KANTR: variants seen among roughly 807,000 people sequenced by gnomAD.
KANTR encodes the protein KANTR integral membrane protein, also known as KDM5C adjacent transcript.
chrX:53,140,774 A>C (rs1276086144), intron 2 of KANTR, among the ~76,000 whole-genome samples: 1 of 111,959 alleles, frequency 8.9e-6, no homozygotes, highest in Admixed American at 9.5e-5. Context: ...TTTCAGTTCC[A>C]GGGGTGAGAG....
chrX:53,098,104 A>G (rs1460740536), intron 1 of KANTR, among the ~76,000 whole-genome samples: 1 of 109,065 alleles, frequency 9.2e-6, no homozygotes, highest in Non-Finnish European at 1.9e-5. Context: ...CAGTGTAACT[A>G]TCAAAACTAG....
chrX:53,128,332 G>A (rs1933316090), downstream of KANTR, among the ~76,000 whole-genome samples: 1 of 111,809 alleles, frequency 8.9e-6, no homozygotes, highest in Non-Finnish European at 1.9e-5. Context: ...TCAGGGCAGT[G>A]TGGTCAGTGC....
intron 2 of KANTR, among the ~76,000 whole-genome samples, chrX:53,119,823 G>A (rs782358634): frequency 5.5e-5 from 6 of 108,366 alleles, no homozygotes; most frequent in African/African-American, 1.3e-4. Context: ...GGGCTCAAGC[G>A]GTCCTCCCAC....
At chrX:53,118,618 G>A (rs1431254844) in intron 2 of KANTR, among the ~76,000 whole-genome samples, 1 of 110,295 alleles carries the variant, frequency 9.1e-6, no homozygotes, top group Non-Finnish European at 1.9e-5. Context: ...AAAATTACCC[G>A]GGTGTGGTGG....
chrX:53,137,976 C>T (rs1933449482), intron 2 of KANTR, among the ~76,000 whole-genome samples: 1 of 110,978 alleles, frequency 9.0e-6, no homozygotes, highest in South Asian at 3.8e-4. Context: ...TTCAAAGAAT[C>T]TGCTTTGGTT....
In KANTR at chrX:53,125,717, AGTTT is replaced by A. The variant is rs1221770909; in HGVS notation, c.*1218_*1221del. The A allele has an allele frequency of 7.2e-5, 8 of 111,333 alleles. No homozygotes were observed. The East Asian group carries it at 2.0e-3, about 27-fold the overall frequency. 9.2% of individuals were successfully genotyped at this position (111,333 alleles called of 1,213,427 possible). ...ACATACTGTTGTTTTCAAATATGTT[AGTTT>A]GTTCCTTTTTATAAACCTCACAATT... is the stretch of plus-strand genomic sequence containing the variant. On this transcript the variant is annotated 3_prime_UTR_variant, in exon 3 of 3. Coordinates refer to ENST00000604062, the Ensembl canonical transcript of KANTR.
At chrX:53,099,975 A>G (rs1556811531) in intron 2 of KANTR, among the ~76,000 whole-genome samples, 2 of 112,303 alleles carry the variant, frequency 1.8e-5, no homozygotes, top group African/African-American at 6.5e-5. Context: ...TTTATAGAGC[A>G]CAGAGTATAT....
exon 3 of KANTR, chrX:53,125,211 A>G (rs1556816102): frequency 8.9e-6 from 1 of 111,891 alleles, no homozygotes; most frequent in Non-Finnish European, 1.9e-5. Flanking sequence ...ATATTAATGT[A>G]GTAACACAAA....
At chrX:53,146,090 G>A (rs1556819302), downstream of KANTR, among the ~76,000 whole-genome samples, 1 of 112,133 alleles carries the variant, frequency 8.9e-6, no homozygotes, top group East Asian at 2.8e-4. Flanking sequence ...AAATCAGAGT[G>A]CCTATCCTCC....
At chrX:53,098,915 G>C (rs1254656598) in intron 1 of KANTR, among the ~76,000 whole-genome samples, 1 of 110,840 alleles carries the variant, frequency 9.0e-6, no homozygotes, top group African/African-American at 3.3e-5. Flanking sequence ...TGCAAAGGTG[G>C]GGTCTTGTTG....
At chrX:53,119,774 C>T (rs897469546) in intron 2 of KANTR, among the ~76,000 whole-genome samples, 9 of 111,273 alleles carry the variant, frequency 8.1e-5, no homozygotes, top group Non-Finnish European at 1.5e-4. Context: ...GGCTGGAGTG[C>T]AGTGGTGTGA....
At chrX:53,104,110 G>A (rs928401460) in intron 2 of KANTR, among the ~76,000 whole-genome samples, 5 of 111,011 alleles carry the variant, frequency 4.5e-5, no homozygotes, top group African/African-American at 1.6e-4. Context: ...CTGGGCTCAA[G>A]TGATCCTCTG....
downstream of KANTR, among the ~76,000 whole-genome samples, chrX:53,131,279 A>T (rs1156872440): frequency 8.9e-6 from 1 of 111,749 alleles, no homozygotes; most frequent in Non-Finnish European, 1.9e-5. Flanking sequence ...AGAGTGGGTC[A>T]TGTGGAAAAC....
chrX:53,098,375 G>A (rs141837181), intron 1 of KANTR, among the ~76,000 whole-genome samples: 4 of 112,147 alleles, frequency 3.6e-5, no homozygotes, highest in Non-Finnish European at 7.5e-5. Context: ...GTCTTACCTC[G>A]ATGTTGATGG....
At chrX:53,138,848 A>G (rs1428965355) in intron 2 of KANTR, among the ~76,000 whole-genome samples, 2 of 111,501 alleles carry the variant, frequency 1.8e-5, no homozygotes, top group Non-Finnish European at 3.8e-5. Context: ...TTGCTTAGTT[A>G]AAGGTGTTGA....
exon 3 of KANTR, chrX:53,127,176 T>C (rs1569239431): frequency 8.9e-6 from 1 of 112,452 alleles, no homozygotes; most frequent in South Asian, 3.6e-4. Flanking sequence ...CCTAGAGAAG[T>C]GTTTCCTGAT....
At chrX:53,121,989 A>G (rs1556815566) in intron 2 of KANTR, among the ~76,000 whole-genome samples, 1 of 111,941 alleles carries the variant, frequency 8.9e-6, no homozygotes, top group East Asian at 2.8e-4. Flanking sequence ...AGCTCCTGGA[A>G]GGAGAGGGTG....
downstream of KANTR, among the ~76,000 whole-genome samples, chrX:53,144,635 G>A (rs782391589): frequency 5.4e-5 from 6 of 110,856 alleles, no homozygotes; most frequent in Admixed American, 1.9e-4. Context: ...GGCGGAGGTC[G>A]CAGTCAGCTT....
chrX:53,121,532 G>T (rs1411168559), intron 2 of KANTR, among the ~76,000 whole-genome samples: 1 of 109,585 alleles, frequency 9.1e-6, no homozygotes, highest in African/African-American at 3.3e-5. Context: ...TCAAAATATC[G>T]CATTTCATTC....
Sources: allele counts gnomAD v4.1 joint callset (sites outside exome capture counted in the v4.1 genomes callset), GRCh38; gene constraint gnomAD v4.1.1; transcripts MANE v1.5; gene names NCBI Gene and HGNC (gene_info 2026-07-23, HGNC 2026-07-21).